SEMA5A: variants seen among roughly 807,000 people sequenced by gnomAD.
SEMA5A encodes the protein semaphorin-5A.
In SEMA5A, 55 loss-of-function variants were observed where a neutral mutation model predicts 135.5. The ratio of observed to expected loss-of-function variants is 0.41; its 90% CI spans 0.33 to 0.51. The LOEUF is 0.51. Ranked by LOEUF, SEMA5A falls within the 20% of genes least tolerant of loss-of-function variation. The pLI is 0.37. For missense variants in SEMA5A, 1,290 were observed against 1,419.9 expected (o/e 0.91, Z 1.47); for synonymous variants, 580 against 546.5 (o/e 1.06, Z -0.85).
chr5:9,522,042 C>T (rs1736861898), intron 1 of SEMA5A, among the ~76,000 whole-genome samples: 1 of 152,158 alleles, frequency 6.6e-6, no homozygotes, highest in Admixed American at 6.5e-5. Context: ...CAGACAGCCT[C>T]CCCGTCGCAT....
chr5:9,363,062 G>A (rs1754765432), intron 3 of SEMA5A, among the ~76,000 whole-genome samples: 1 of 152,056 alleles, frequency 6.6e-6, no homozygotes, highest in Non-Finnish European at 1.5e-5. Context: ...AAAGATTCCA[G>A]GACTCTAAAG....
intron 5 of SEMA5A, among the ~76,000 whole-genome samples, chr5:9,311,776 A>G (rs1752148707): frequency 6.6e-6 from 1 of 152,264 alleles, no homozygotes; most frequent in African/African-American, 2.4e-5. Context: ...AAAAGAAGAA[A>G]GAAGTTAATA....
chr5:9,442,562 T>A (rs1198270299), intron 1 of SEMA5A, among the ~76,000 whole-genome samples: 1 of 152,100 alleles, frequency 6.6e-6, no homozygotes, highest in African/African-American at 2.4e-5. Context: ...AAATCATTGA[T>A]CCTGAGGGTG....
chr5:9,123,207 C>T (rs760458619), intron 13 of SEMA5A, among the ~76,000 whole-genome samples: 6 of 126,160 alleles, frequency 4.8e-5, no homozygotes, highest in African/African-American at 8.9e-5. Context: ...TGCAGTGAGC[C>T]GAGATCGCAC....
At chr5:9,503,079 A>G (rs1735678215) in intron 1 of SEMA5A, among the ~76,000 whole-genome samples, 1 of 152,196 alleles carries the variant, frequency 6.6e-6, no homozygotes, top group Admixed American at 6.5e-5. Context: ...TGTCAGTGAA[A>G]GGAAACAGAG....
chr5:9,162,589 C>CATATATATATATGTATATAT (rs1453805492), intron 11 of SEMA5A, among the ~76,000 whole-genome samples: 1 of 100,102 alleles, frequency 1.0e-5, no homozygotes, highest in East Asian at 3.8e-4. Flanking sequence ...TATATATACA[C>CATATATATATATGTATATAT]ACACACACAC....
intron 5 of SEMA5A, among the ~76,000 whole-genome samples, chr5:9,241,800 A>G (rs752903732): frequency 9.2e-5 from 14 of 152,142 alleles, no homozygotes; most frequent in Non-Finnish European, 1.9e-4. Context: ...ATAAATCCAC[A>G]GTTCTCAGAA....
chr5:9,406,863 T>C (rs566592375), intron 2 of SEMA5A, among the ~76,000 whole-genome samples: 30 of 152,328 alleles, frequency 2.0e-4, no homozygotes, highest in African/African-American at 7.0e-4. Flanking sequence ...GGTCTTTCAG[T>C]AAAAGTTAGA....
At chr5:9,077,437 A>T (rs111564136) in intron 16 of SEMA5A, among the ~76,000 whole-genome samples, 1,552 of 152,348 alleles carry the variant, frequency 0.01, 11 homozygotes, top group Admixed American at 0.016. Flanking sequence ...GAATCACAAT[A>T]AAATGCAATA....
chr5:9,434,093 A>G (rs1201191742), intron 2 of SEMA5A, among the ~76,000 whole-genome samples: 1 of 152,204 alleles, frequency 6.6e-6, no homozygotes, highest in Non-Finnish European at 1.5e-5. Flanking sequence ...AGCATGGTCT[A>G]TGACTTTTGT....
chr5:9,439,117 A>C (rs1428854688), intron 1 of SEMA5A, among the ~76,000 whole-genome samples: 1 of 152,160 alleles, frequency 6.6e-6, no homozygotes, highest in Non-Finnish European at 1.5e-5. Context: ...CAGCACGGCC[A>C]ATCCTCCAGT....
chr5:9,052,977 G>A (rs1172062326), intron 19 of SEMA5A, among the ~76,000 whole-genome samples: 11 of 152,308 alleles, frequency 7.2e-5, no homozygotes, highest in African/African-American at 2.2e-4. Context: ...AGGGTAAAAT[G>A]TTTCCTTAGA....
intron 5 of SEMA5A, among the ~76,000 whole-genome samples, chr5:9,243,264 G>A (rs1358418410): frequency 6.6e-6 from 1 of 152,118 alleles, no homozygotes; most frequent in Non-Finnish European, 1.5e-5. Context: ...GCTGACCTGT[G>A]GTACGACTTG....
At chr5:9,316,371 A>G (rs552798471) in intron 5 of SEMA5A, among the ~76,000 whole-genome samples, 4 of 152,352 alleles carry the variant, frequency 2.6e-5, no homozygotes, top group African/African-American at 9.6e-5. Flanking sequence ...ACAAAGTAAC[A>G]TGTATCAAGT....
rs867672124 is a variant in SEMA5A, at chr5:9,545,528, G to C, written c.-175+56C>G. ...CCCGGCCAGCGGCGCGGCGCGGCGC[G>C]GCGCGGTCAGGGGCTCCTGCCAAGG... On this transcript the variant is annotated intron_variant, in intron 1 of 22. Transcript: ENST00000382496. The surrounding 1 kb of genome is among the most constrained non-coding windows in gnomAD (Gnocchi z 4.5). 6.6e-5 allele frequency: 10 copies of C among 152,182 alleles called. No individual in the cohort carries two copies. The highest frequency in any genetic ancestry group is 3.2e-3 in the Middle Eastern group (1 of 312). 9.4% of individuals were successfully genotyped at this position (152,182 alleles called of 1,614,324 possible). A position where few individuals can be genotyped will look rare whatever the true frequency, so the allele number is the denominator to read the frequency against.
chr5:9,048,038 G>C (rs577285567), intron 21 of SEMA5A, among the ~76,000 whole-genome samples: 2 of 152,266 alleles, frequency 1.3e-5, no homozygotes, highest in Non-Finnish European at 2.9e-5. Context: ...GGCATCAGCT[G>C]TTTGAGCCTC....
intron 19 of SEMA5A, among the ~76,000 whole-genome samples, chr5:9,053,266 C>T (rs1306715737): frequency 2.0e-5 from 3 of 152,186 alleles, no homozygotes; most frequent in South Asian, 2.1e-4. Flanking sequence ...CCCACACCCA[C>T]GGGCCCAAGG....
rs146979886 is a variant in SEMA5A at position 9,226,996 on chromosome 5, A to AATATAT, written c.334-35_334-30dup. On this transcript the variant is annotated intron_variant, in intron 6 of 22. Coordinates refer to ENST00000382496, the MANE Select transcript of SEMA5A (RefSeq NM_003966.3). The stretch of plus-strand genomic sequence containing the variant: ...AGGGAAAATAAATAAATTAATTAAA[A>AATATAT]ATATATATATATATGTATAATGATA... The AATATAT allele has an allele frequency of 4.6e-5, 49 of 1,059,322 alleles. No individual in the cohort carries two copies. The East Asian group carries it at 9.1e-4, about 20-fold the overall frequency. 65.6% of individuals were successfully genotyped at this position (1,059,322 alleles called of 1,614,324 possible). A position where few individuals can be genotyped will look rare whatever the true frequency, so the allele number is the denominator to read the frequency against.
At chr5:9,088,090 C>T (rs927929237) in intron 16 of SEMA5A, among the ~76,000 whole-genome samples, 3 of 152,054 alleles carry the variant, frequency 2.0e-5, no homozygotes, top group Non-Finnish European at 2.9e-5. Flanking sequence ...AGGCAGATCA[C>T]GAGGTCAAAA....
Sources: allele counts gnomAD v4.1 joint callset (sites outside exome capture counted in the v4.1 genomes callset), GRCh38; gene constraint gnomAD v4.1.1; non-coding constraint Gnocchi (gnomAD v3.1); transcripts MANE v1.5; gene names NCBI Gene and HGNC (gene_info 2026-07-23, HGNC 2026-07-21).